Variants in ARHGAP26 observed in about 807,000 individuals in gnomAD.
ARHGAP26 encodes rho GTPase-activating protein 26.
Under a neutral mutation model 104.8 loss-of-function variants are expected in ARHGAP26, and 38 were observed. The ratio of observed to expected loss-of-function variants is 0.36; its 90% CI spans 0.28 to 0.48. The LOEUF (loss-of-function observed/expected upper bound fraction) is 0.48, where lower values mean the gene tolerates loss of function less well. Among genes scored for constraint, ARHGAP26 ranks in the 20% least tolerant of loss-of-function variants. ARHGAP26 has a pLI of 0.99. For synonymous variants in ARHGAP26, 341 were observed against 340.0 expected (o/e 1.00, Z -0.03); for missense variants, 704 against 947.9 (o/e 0.74, Z 3.38).
intron 17 of ARHGAP26, among the ~76,000 whole-genome samples, chr5:143,089,543 C>G (rs1463785767): frequency 6.6e-6 from 1 of 152,192 alleles, no homozygotes; most frequent in East Asian, 1.9e-4. Context: ...GTTTTAATCA[C>G]GATACAAACT....
intron 1 of ARHGAP26, among the ~76,000 whole-genome samples, chr5:142,843,487 G>A (rs776122855): frequency 6.6e-5 from 10 of 152,290 alleles, no homozygotes; most frequent in South Asian, 2.1e-4. Flanking sequence ...TGCTTACTCC[G>A]TGCCAGACAT....
chr5:143,164,739 TC>T (rs1168507098), intron 20 of ARHGAP26, among the ~76,000 whole-genome samples: 1 of 152,210 alleles, frequency 6.6e-6, no homozygotes, highest in African/African-American at 2.4e-5. Context: ...ACCTGAGTGT[TC>T]CTGATGAAAC....
Position 142,787,995 on chromosome 5 carries a change from C to CTTTTTTT in ARHGAP26, c.154+17090_154+17096dup, listed in dbSNP as rs71576156. Among the ~76,000 whole-genome samples the CTTTTTTT allele has an allele frequency of 2.0e-3, 270 of 132,852 alleles. 8 individuals carry two copies. The highest frequency in any genetic ancestry group is 6.3e-3 in the African/African-American group (225 of 35,862). The allele number at this position is 132,852 out of a possible 152,430, so 87.2% of individuals were successfully genotyped here. The stretch of plus-strand genomic sequence containing the variant: ...TTTTGTCCATGATTATTAACCAATT[C>CTTTTTTT]TTTTTTTTTTTTTTTTAAGATGGAG... On this transcript the variant is annotated intron_variant, in intron 1 of 22. Coordinates refer to ENST00000645722, the MANE Select transcript of ARHGAP26 (RefSeq NM_001135608.3).
chr5:142,942,054 G>T (rs183230438), intron 11 of ARHGAP26, among the ~76,000 whole-genome samples: 257 of 152,172 alleles, frequency 1.7e-3, no homozygotes, highest in Middle Eastern at 3.4e-3. Flanking sequence ...ACAGTGGCTG[G>T]CAGAGTAAGC....
chr5:142,879,814 T>A (rs1756688546), intron 4 of ARHGAP26, among the ~76,000 whole-genome samples: 1 of 152,244 alleles, frequency 6.6e-6, no homozygotes, highest in Non-Finnish European at 1.5e-5. Flanking sequence ...AATTGTATTT[T>A]GTGGAGGTCC....
At chr5:143,105,548 G>A (rs1266305218) in intron 17 of ARHGAP26, among the ~76,000 whole-genome samples, 1 of 152,098 alleles carries the variant, frequency 6.6e-6, no homozygotes, top group Non-Finnish European at 1.5e-5. Context: ...TCATATGTGG[G>A]TGTATATATG....
chr5:143,189,205 A>G (rs1011165379), intron 20 of ARHGAP26, among the ~76,000 whole-genome samples: 4 of 152,218 alleles, frequency 2.6e-5, no homozygotes, highest in African/African-American at 9.7e-5. Flanking sequence ...TTAAGTTCAC[A>G]TAGTATTCTG....
chr5:142,779,379 A>G (rs1330354611), intron 1 of ARHGAP26, among the ~76,000 whole-genome samples: 1 of 152,012 alleles, frequency 6.6e-6, no homozygotes, highest in African/African-American at 2.4e-5. Context: ...GAGACTGGGC[A>G]GTTTCCTGCT....
At chr5:142,815,831 A>G (rs144314712) in intron 1 of ARHGAP26, among the ~76,000 whole-genome samples, 15 of 152,114 alleles carry the variant, frequency 9.9e-5, no homozygotes, top group Admixed American at 5.2e-4. Context: ...GTCTCACTCT[A>G]TCACCCAGGT....
At chr5:142,997,878 C>CT (rs1776635426) in intron 11 of ARHGAP26, among the ~76,000 whole-genome samples, 1 of 152,058 alleles carries the variant, frequency 6.6e-6, no homozygotes, top group East Asian at 1.9e-4. Context: ...TATGAAAATA[C>CT]TTGTGAGATG....
intron 17 of ARHGAP26, among the ~76,000 whole-genome samples, chr5:143,102,456 G>A (rs910604065): frequency 6.6e-6 from 1 of 152,184 alleles, no homozygotes; most frequent in Non-Finnish European, 1.5e-5. Flanking sequence ...CTTATCAGAG[G>A]CAATCTTTTT....
At chr5:143,047,792 GTTC>G (rs1485820072) in intron 14 of ARHGAP26, among the ~76,000 whole-genome samples, 1 of 151,900 alleles carries the variant, frequency 6.6e-6, no homozygotes, top group Non-Finnish European at 1.5e-5. Flanking sequence ...CTATTGGTAT[GTTC>G]TTCTTTTTCT....
At chr5:143,172,826 A>T (rs1802959841) in intron 20 of ARHGAP26, 1 of 162,356 alleles carries the variant, frequency 6.2e-6, no homozygotes, top group South Asian at 2.0e-4. Flanking sequence ...GAGCTACATG[A>T]CATGTATTCT....
intron 1 of ARHGAP26, among the ~76,000 whole-genome samples, chr5:142,805,475 C>G (rs1334153457): frequency 6.6e-6 from 1 of 152,110 alleles, no homozygotes; most frequent in Non-Finnish European, 1.5e-5. Flanking sequence ...ATGTATGTTG[C>G]TACTATGAAA....
intron 1 of ARHGAP26, among the ~76,000 whole-genome samples, chr5:142,844,411 C>CT (rs773157121): frequency 0.055 from 7,911 of 144,230 alleles, 278 homozygotes; most frequent in East Asian, 0.13. Context: ...AGTTTTAAAG[C>CT]TTTTTTTTTT....
rs10610584 is a variant in ARHGAP26, at chr5:143,168,445, C to CTTTTTTTTTTTTTTTTTTTTTT, written c.1988+21074_1988+21095dup. 3.1e-4 allele frequency: 8 copies of CTTTTTTTTTTTTTTTTTTTTTT among 25,708 alleles called. 1 individual carries two copies. Among genetic ancestry groups the CTTTTTTTTTTTTTTTTTTTTTT allele is most frequent in the Non-Finnish European group, 4.8e-4 (7 of 14,546 alleles). The allele number at this position is 25,708 out of a possible 1,614,324, so 1.6% of individuals were successfully genotyped here. ...CAAATAGACCTCACCATCTGGAACT[C>CTTTTTTTTTTTTTTTTTTTTTT]TTTTTTTTTTTTTTTTTTTTTTTTT... On this transcript the variant is annotated intron_variant, in intron 20 of 22. Transcript: ENST00000645722.
At chr5:142,969,077 G>A (rs564901854) in intron 11 of ARHGAP26, among the ~76,000 whole-genome samples, 203 of 152,252 alleles carry the variant, frequency 1.3e-3, no homozygotes, top group African/African-American at 4.7e-3. Flanking sequence ...GACCACAGGT[G>A]TGCACCACCA....
At chr5:143,179,449 T>C (rs1803982261) in intron 20 of ARHGAP26, among the ~76,000 whole-genome samples, 1 of 152,216 alleles carries the variant, frequency 6.6e-6, no homozygotes, top group Non-Finnish European at 1.5e-5. Context: ...TGTGACTGAC[T>C]TTCTGCTCTG....
chr5:142,929,288 T>C (rs909763026), intron 10 of ARHGAP26, among the ~76,000 whole-genome samples: 1 of 152,152 alleles, frequency 6.6e-6, no homozygotes, highest in Non-Finnish European at 1.5e-5. Context: ...TGCCCATTTT[T>C]TGCTATGAAG....
Sources: gnomAD v4.1 joint callset for allele counts (sites outside exome capture counted in the v4.1 genomes callset) on GRCh38, gnomAD v4.1.1 for gene constraint, MANE v1.5 for transcripts, NCBI Gene and HGNC (gene_info 2026-07-23, HGNC 2026-07-21) for gene names.